Variants in MAP4K4 observed in about 807,000 individuals in gnomAD.
MAP4K4 encodes the protein HPK/GCK-like kinase HGK.
A neutral mutation model predicts 189.6 loss-of-function variants in MAP4K4; 38 were observed. The observed-to-expected ratio is 0.20, with a 90% confidence interval of 0.15 to 0.26. MAP4K4 has a LOEUF of 0.26. Ranked by LOEUF, MAP4K4 falls within the 10% of genes least tolerant of loss-of-function variation. The probability of loss-of-function intolerance (pLI) is 1.00; values close to 1 mark genes in which losing one functional copy is unlikely to be tolerated. For synonymous variants in MAP4K4, 610 were observed against 624.3 expected, an observed-to-expected ratio of 0.98 and a Z score of 0.34; for missense variants, 1,054 against 1,726.9, an observed-to-expected ratio of 0.61 and a Z score of 6.91.
At chr2:101,790,798 T>G (rs1406835885) in intron 3 of MAP4K4, 22 bp downstream of exon 3, 1 of 1,576,956 alleles carries the variant, frequency 6.3e-7, no homozygotes, top group South Asian at 1.1e-5. Flanking sequence ...TCACACACAT[T>G]TTTAAATAAT....
chr2:101,842,722 G>A (rs751731314), intron 11 of MAP4K4, 41 bp downstream of exon 11: 12 of 1,522,516 alleles, frequency 7.9e-6, no homozygotes, highest in Non-Finnish European at 1.1e-5. Flanking sequence ...CTTTATGAAG[G>A]GATTAAGTTT....
At chr2:101,847,535 G>A (rs1261326645) in intron 12 of MAP4K4, among the ~76,000 whole-genome samples, 1 of 152,152 alleles carries the variant, frequency 6.6e-6, no homozygotes, top group Non-Finnish European at 1.5e-5. Flanking sequence ...AGGCTAATGT[G>A]TATGTTTGTG....
chr2:101,727,196 G>A (rs2055915605), intron 2 of MAP4K4, among the ~76,000 whole-genome samples: 1 of 152,146 alleles, frequency 6.6e-6, no homozygotes, highest in East Asian at 1.9e-4. Context: ...CCCTCTCATA[G>A]CTTTCTGATG....
chr2:101,803,111 A>G (rs779280871), intron 3 of MAP4K4, among the ~76,000 whole-genome samples: 17 of 152,200 alleles, frequency 1.1e-4, no homozygotes, highest in Non-Finnish European at 1.8e-4. Flanking sequence ...GTTTCATCCA[A>G]TGTGCAAATT....
At chr2:101,777,613 C>T (rs62156895) in intron 2 of MAP4K4, among the ~76,000 whole-genome samples, 1,802 of 152,324 alleles carry the variant, frequency 0.012, 14 homozygotes, top group Middle Eastern at 0.027. Context: ...CCCCATCTCT[C>T]GCATTCCGTT....
At chr2:101,818,596 C>T (rs1443849902) in intron 3 of MAP4K4, among the ~76,000 whole-genome samples, 1 of 152,170 alleles carries the variant, frequency 6.6e-6, no homozygotes, top group African/African-American at 2.4e-5. Flanking sequence ...TTTAAGGGGT[C>T]ATTAAAAAAC....
chr2:101,781,693 A>C (rs1213727627), intron 2 of MAP4K4, among the ~76,000 whole-genome samples: 2 of 152,168 alleles, frequency 1.3e-5, no homozygotes, highest in African/African-American at 4.8e-5. Flanking sequence ...ATTGGTAATC[A>C]AGTTTTCAAC....
chr2:101,859,927 C>A, intron 15 of MAP4K4, 63 bp downstream of exon 15: 1 of 1,466,714 alleles, frequency 6.8e-7, no homozygotes, highest in Non-Finnish European at 9.4e-7. Context: ...CTCTTCAGAA[C>A]TGTGTCATAT....
intron 2 of MAP4K4, among the ~76,000 whole-genome samples, chr2:101,729,358 A>G (rs2057375728): frequency 6.6e-6 from 1 of 152,204 alleles, no homozygotes; most frequent in Admixed American, 6.5e-5. Context: ...CAAGACTAGC[A>G]TCTTTTAATT....
intron 3 of MAP4K4, among the ~76,000 whole-genome samples, chr2:101,809,106 T>C (rs908456476): frequency 6.6e-6 from 1 of 152,240 alleles, no homozygotes; most frequent in Non-Finnish European, 1.5e-5. Flanking sequence ...GGTGGTGAAT[T>C]CCTTAATCTT....
At position 101,870,291 on chromosome 2, in the gene MAP4K4, A is replaced by G. The variant is rs777024020; in HGVS notation, c.2640-4A>G. The G allele has an allele frequency of 3.7e-6, 6 of 1,612,210 alleles. No individual in the cohort carries two copies. Among genetic ancestry groups the G allele is most frequent in the Admixed American group, 3.3e-5 (2 of 59,828 alleles). ...CCTTTCACGTCTGGATTTTTTCTCC[A>G]TAGGTCATCTCTGAATTTGAGCAAT... is the stretch of plus-strand genomic sequence containing the variant. On this transcript the variant is annotated splice_region_variant and splice_polypyrimidine_tract_variant and intron_variant, in intron 22 of 32. Coordinates refer to ENST00000324219, the Ensembl canonical transcript of MAP4K4.
intron 27 of MAP4K4, among the ~76,000 whole-genome samples, chr2:101,880,672 C>T (rs555087499): frequency 2.0e-5 from 3 of 152,118 alleles, no homozygotes; most frequent in African/African-American, 7.2e-5. Context: ...CCATGCCTGG[C>T]TGATTTTTCT....
intron 2 of MAP4K4, among the ~76,000 whole-genome samples, chr2:101,727,075 A>G (rs1444286061): frequency 6.6e-6 from 1 of 152,176 alleles, no homozygotes; most frequent in South Asian, 2.1e-4. Flanking sequence ...ATTTATGAAG[A>G]CAGAGTCCTC....
chr2:101,808,553 C>A (rs915341556), intron 3 of MAP4K4, among the ~76,000 whole-genome samples: 15 of 148,642 alleles, frequency 1.0e-4, no homozygotes, highest in Non-Finnish European at 1.5e-4. Context: ...CACCCCCCCC[C>A]ACCCCGTTTA....
intron 3 of MAP4K4, among the ~76,000 whole-genome samples, chr2:101,806,451 C>T (rs765348211): frequency 3.3e-5 from 5 of 151,038 alleles, no homozygotes; most frequent in African/African-American, 7.3e-5. Context: ...TCACGGCTCA[C>T]TGCAACCTCC....
intron 2 of MAP4K4, among the ~76,000 whole-genome samples, chr2:101,762,877 A>G (rs1318338547): frequency 6.6e-6 from 1 of 152,170 alleles, no homozygotes; most frequent in African/African-American, 2.4e-5. Flanking sequence ...GCTTTCTGCT[A>G]GTTTCCAGCA....
chr2:101,737,122 T>C (rs907363520), intron 2 of MAP4K4, among the ~76,000 whole-genome samples: 2 of 152,000 alleles, frequency 1.3e-5, no homozygotes, highest in African/African-American at 4.8e-5. Context: ...CTTTTGAAAT[T>C]ATTTGTCACC....
intron 2 of MAP4K4, among the ~76,000 whole-genome samples, chr2:101,766,612 T>A (rs2078720320): frequency 1.0e-5 from 1 of 98,096 alleles, no homozygotes; most frequent in Non-Finnish European, 1.7e-5. Context: ...TTTGTCTTGA[T>A]TTTTTTTTTT....
intron 3 of MAP4K4, among the ~76,000 whole-genome samples, chr2:101,802,205 A>T (rs534458294): frequency 9.5e-4 from 145 of 152,128 alleles, no homozygotes; most frequent in African/African-American, 3.4e-3. Context: ...CTGTGCTGCC[A>T]CCCTTGGCTA....
Sources: allele counts gnomAD v4.1 joint callset (sites outside exome capture counted in the v4.1 genomes callset), GRCh38; gene constraint gnomAD v4.1.1; transcripts MANE v1.5; gene names NCBI Gene and HGNC (gene_info 2026-07-23, HGNC 2026-07-21).